OPCML: variants seen among roughly 807,000 people sequenced by gnomAD.
OPCML encodes the protein opioid binding protein/cell adhesion molecule like, also known as opioid-binding protein/cell adhesion molecule.
In OPCML, 13 loss-of-function variants were observed where a neutral mutation model predicts 37.8. That is an observed-to-expected ratio of 0.34 (90% CI 0.22 to 0.55). The LOEUF (loss-of-function observed/expected upper bound fraction) is 0.55. OPCML is among the 20% of genes least tolerant of loss of function. The pLI is 0.91. For missense variants in OPCML, 341 were observed against 435.6 expected, an observed-to-expected ratio of 0.78 and a Z score of 1.93; for synonymous variants, 176 against 168.8, an observed-to-expected ratio of 1.04 and a Z score of -0.33.
At chr11:133,512,363 A>C (rs897786677) in intron 1 of OPCML, among the ~76,000 whole-genome samples, 11 of 152,246 alleles carry the variant, frequency 7.2e-5, no homozygotes, top group Non-Finnish European at 1.6e-4. Flanking sequence ...CTACAGATGA[A>C]CAGCCAGATG....
intron 1 of OPCML, among the ~76,000 whole-genome samples, chr11:133,353,292 A>C (rs1034912417): frequency 5.9e-5 from 9 of 151,984 alleles, no homozygotes; most frequent in African/African-American, 2.2e-4. Context: ...TCAGCCTCCC[A>C]AGTAGCTGGG....
intron 2 of OPCML, among the ~76,000 whole-genome samples, chr11:132,731,747 C>T (rs1215795914): frequency 6.6e-6 from 1 of 152,156 alleles, no homozygotes; most frequent in Non-Finnish European, 1.5e-5. Flanking sequence ...GATGAATAAG[C>T]AGCTAACAGG....
intron 1 of OPCML, among the ~76,000 whole-genome samples, chr11:133,378,087 T>C (rs1304606680): frequency 1.3e-5 from 2 of 152,246 alleles, no homozygotes; most frequent in Admixed American, 1.3e-4. Flanking sequence ...CAATTTTTCT[T>C]TTTATGCGTC....
rs7928953 is a variant in OPCML, at chr11:132,687,153, G to A, written c.147-29834C>T. 6.0e-3 allele frequency among the ~76,000 whole-genome samples: 913 copies of A among 151,642 alleles called. 11 individuals are homozygous for A. Among genetic ancestry groups the A allele is most frequent in the African/African-American group, 0.021 (866 of 41,340 alleles). ...AGAAAGACAATTCCCTCAGGAAATC[G>A]TGTTACTCTCTCATATGTATTACGG... On this transcript the variant is annotated intron_variant, in intron 2 of 7. Coordinates refer to ENST00000524381, the MANE Select transcript of OPCML (RefSeq NM_001012393.5).
At chr11:132,428,638 A>G (rs1482191974) in intron 7 of OPCML, among the ~76,000 whole-genome samples, 1 of 152,172 alleles carries the variant, frequency 6.6e-6, no homozygotes, top group Non-Finnish European at 1.5e-5. Flanking sequence ...TATGGGTTTG[A>G]AAGAAACAGG....
chr11:132,675,206 C>CATAT (rs10629015), intron 2 of OPCML, among the ~76,000 whole-genome samples: 11 of 143,312 alleles, frequency 7.7e-5, no homozygotes, highest in African/African-American at 2.8e-4. Context: ...TATAACTTTA[C>CATAT]ATATATATAT....
intron 1 of OPCML, among the ~76,000 whole-genome samples, chr11:132,969,351 C>A (rs958591314): frequency 3.9e-5 from 6 of 152,176 alleles, no homozygotes; most frequent in Non-Finnish European, 7.3e-5. Context: ...CTGCTTCCAA[C>A]ATTTTCTTTG....
At chr11:132,517,591 A>G (rs2096282929) in intron 4 of OPCML, among the ~76,000 whole-genome samples, 4 of 152,188 alleles carry the variant, frequency 2.6e-5, no homozygotes, top group African/African-American at 7.2e-5. Context: ...GGCCAATTAG[A>G]TCTACAGAAC....
intron 3 of OPCML, among the ~76,000 whole-genome samples, chr11:132,582,774 G>C (rs919835129): frequency 6.6e-6 from 1 of 151,604 alleles, no homozygotes; most frequent in Non-Finnish European, 1.5e-5. Context: ...GTTCAGTCAT[G>C]CAGGCAGCAA....
At chr11:132,668,310 G>A (rs138373141) in intron 2 of OPCML, among the ~76,000 whole-genome samples, 1,585 of 152,290 alleles carry the variant, frequency 0.01, 20 homozygotes, top group African/African-American at 0.026. Context: ...TATAAATCGA[G>A]CATTATAGAG....
At chr11:133,025,966 C>G in intron 1 of OPCML, 4 of 611,128 alleles carry the variant, frequency 6.5e-6, no homozygotes, top group Non-Finnish European at 8.2e-6. Context: ...AACTCCTGAC[C>G]TCAGGTGATC....
intron 1 of OPCML, among the ~76,000 whole-genome samples, chr11:133,099,983 T>C (rs987050159): frequency 3.3e-5 from 5 of 152,194 alleles, no homozygotes; most frequent in South Asian, 4.1e-4. Flanking sequence ...TGGAATACTA[T>C]GCAGCCATAA....
At chr11:132,893,433 C>T (rs528891160) in intron 2 of OPCML, among the ~76,000 whole-genome samples, 2 of 152,342 alleles carry the variant, frequency 1.3e-5, no homozygotes, top group South Asian at 2.1e-4. Context: ...AGCCCATCAC[C>T]TGTGCTTTTG....
At chr11:132,774,746 C>T (rs982811060) in intron 2 of OPCML, among the ~76,000 whole-genome samples, 4 of 152,204 alleles carry the variant, frequency 2.6e-5, no homozygotes, top group African/African-American at 9.7e-5. Context: ...GCAGACTGTG[C>T]CCATCAAGAC....
At chr11:133,120,738 G>A (rs1321910991) in intron 1 of OPCML, among the ~76,000 whole-genome samples, 6 of 152,186 alleles carry the variant, frequency 3.9e-5, no homozygotes, top group Admixed American at 6.5e-5. Flanking sequence ...TAATTCTGAT[G>A]TGTCAAGAGT....
chr11:133,012,630 C>A (rs1947240411), intron 1 of OPCML, among the ~76,000 whole-genome samples: 1 of 152,168 alleles, frequency 6.6e-6, no homozygotes, highest in Admixed American at 6.5e-5. Flanking sequence ...AATCCCAGCA[C>A]TTTGGGAGGC....
At chr11:133,291,364 G>T (rs1308386989) in intron 1 of OPCML, among the ~76,000 whole-genome samples, 1 of 152,120 alleles carries the variant, frequency 6.6e-6, no homozygotes, top group Non-Finnish European at 1.5e-5. Context: ...TCCCCAACCC[G>T]AGAGATGAGC....
intron 1 of OPCML, among the ~76,000 whole-genome samples, chr11:133,328,387 A>T (rs546109090): frequency 1.3e-5 from 2 of 152,178 alleles, no homozygotes; most frequent in African/African-American, 4.8e-5. Context: ...CGAACTCCTG[A>T]CCTCAGGTGA....
In OPCML at chr11:132,590,572, T is replaced by C. The variant is rs114968351; in HGVS notation, c.380-61386A>G. On this transcript the variant is annotated intron_variant, in intron 3 of 7. Transcript: ENST00000524381. Reference sequence around the variant, plus strand: ...TTATTTAAAATTCTCAACATCTCCATGAGGTAGGTAAAATTCACGTTTTAC... The same window carrying C: ...TTATTTAAAATTCTCAACATCTCCACGAGGTAGGTAAAATTCACGTTTTAC... Among the ~76,000 whole-genome samples, 859 of 152,280 alleles carry C rather than the reference T, an allele frequency of 5.6e-3. 2 individuals are homozygous for C. Among genetic ancestry groups the C allele is most frequent in the Middle Eastern group, 0.024 (7 of 294 alleles).
Sources: allele counts gnomAD v4.1 joint callset (sites outside exome capture counted in the v4.1 genomes callset), GRCh38; gene constraint gnomAD v4.1.1; transcripts MANE v1.5; gene names NCBI Gene and HGNC (gene_info 2026-07-23, HGNC 2026-07-21).